The following COQ9 variants were observed in gnomAD, a reference collection of about 807,000 sequenced individuals.
The protein encoded by COQ9 is coenzyme Q9.
In COQ9, 35 loss-of-function variants were observed where a neutral mutation model predicts 42.4. The observed-to-expected ratio is 0.83, with a 90% CI of 0.63 to 1.10. The LOEUF (loss-of-function observed/expected upper bound fraction) is 1.10. Ranked by LOEUF, COQ9 falls within the 50% of genes least tolerant of loss-of-function variation. The pLI, the probability that COQ9 is intolerant of heterozygous loss-of-function variation, is 0.00. For missense variants in COQ9, 406 were observed against 414.6 expected (o/e 0.98, Z 0.18); for synonymous variants, 155 against 155.1 (o/e 1.00, Z 0.00).
intron 3 of COQ9, among the ~76,000 whole-genome samples, chr16:57,455,990 C>A (rs376841094): frequency 6.6e-6 from 1 of 151,912 alleles, no homozygotes; most frequent in East Asian, 1.9e-4. Flanking sequence ...ATTGCTTGAG[C>A]CCAGGAGGTC....
intron 6 of COQ9, 83 bp downstream of exon 6, chr16:57,458,433 A>C (rs761686047): frequency 5.0e-5 from 53 of 1,054,472 alleles, no homozygotes; most frequent in Non-Finnish European, 7.2e-5. Context: ...AATTGCTTTG[A>C]TCATAAGCCC....
At chr16:57,450,862 C>A in intron 1 of COQ9, 178 bp from the exon 2 acceptor site, 1 of 709,044 alleles carries the variant, frequency 1.4e-6, no homozygotes, top group Non-Finnish European at 2.5e-6. Flanking sequence ...CTTTTGCTAC[C>A]ACTTCGTGTC....
At chr16:57,447,914 G>A in intron 1 of COQ9, 1 of 238,856 alleles carries the variant, frequency 4.2e-6, no homozygotes, top group Middle Eastern at 1.3e-3. Flanking sequence ...CCATTGCCAA[G>A]TCCACTGGAA....
At chr16:57,452,346 A>T (rs2030307403) in intron 2 of COQ9, among the ~76,000 whole-genome samples, 2 of 152,246 alleles carry the variant, frequency 1.3e-5, no homozygotes, top group African/African-American at 4.8e-5. Flanking sequence ...TGTTGGCATT[A>T]AAACGTTGAT....
At chr16:57,452,971 G>A (rs1395179712) in intron 3 of COQ9, 35 bp downstream of exon 3, 25 of 1,612,322 alleles carry the variant, frequency 1.6e-5, no homozygotes, top group Non-Finnish European at 2.5e-6. Context: ...ACCTAACCAA[G>A]ATGAGCCAGG....
chr16:57,455,169 T>C (rs2146589632), intron 3 of COQ9, among the ~76,000 whole-genome samples: 2 of 151,730 alleles, frequency 1.3e-5, no homozygotes, highest in East Asian at 3.9e-4. Flanking sequence ...AGTTGCAAGT[T>C]TGCATGTGTG....
intron 4 of COQ9, 55 bp from the exon 5 acceptor site, chr16:57,456,876 C>G (rs2030416131): frequency 6.7e-7 from 1 of 1,484,206 alleles, no homozygotes; most frequent in South Asian, 1.1e-5. Context: ...AACCGTGGAG[C>G]ACTGAGCCCC....
intron 2 of COQ9, 149 bp from the exon 3 acceptor site, chr16:57,452,652 A>C: frequency 9.4e-7 from 1 of 1,062,642 alleles, no homozygotes; most frequent in Non-Finnish European, 1.4e-6. Flanking sequence ...AAAAACAAAA[A>C]ACAAACAAGA....
rs11867042 is a variant in COQ9, at chr16:57,459,385, A to C, written c.712-180A>C. The stretch of plus-strand genomic sequence containing the variant: ...GTTGGGCCCAGGAGCTTGCATTTTT[A>C]ATCAAGTAGGTAATTCTGATGCTCA... On this transcript the variant is annotated intron_variant, in intron 6 of 8. Transcript: ENST00000262507. 0.011 allele frequency among the ~76,000 whole-genome samples: 1,636 copies of C among 152,250 alleles called. 39 individuals carry two copies. The highest frequency in any genetic ancestry group is 0.038 in the African/African-American group (1,560 of 41,524).
intron 3 of COQ9, 45 bp from the exon 4 acceptor site, chr16:57,456,459 T>C (rs780602269): frequency 6.2e-7 from 1 of 1,611,060 alleles, no homozygotes; most frequent in Non-Finnish European, 8.5e-7. Flanking sequence ...AAATGTACCC[T>C]ACACTTGGGC....
chr16:57,460,461 A>G, intron 8 of COQ9, 128 bp from the exon 9 acceptor site: 1 of 936,440 alleles, frequency 1.1e-6, no homozygotes, highest in South Asian at 1.5e-5. Context: ...TCTGGCCAAC[A>G]TAGCAAAACC....
At chr16:57,452,745 T>G in intron 2 of COQ9, 56 bp from the exon 3 acceptor site, 1 of 1,606,920 alleles carries the variant, frequency 6.2e-7, no homozygotes. Flanking sequence ...TTTCTGGTCA[T>G]GCCCATTGTA....
At chr16:57,459,840 C>T in intron 7 of COQ9, 120 bp downstream of exon 7, 1 of 1,246,292 alleles carries the variant, frequency 8.0e-7, no homozygotes, top group Non-Finnish European at 1.2e-6. Context: ...TTCCCAAGGG[C>T]CTGGCTGGTT....
intron 5 of COQ9, 124 bp from the exon 6 acceptor site, chr16:57,458,121 GA>G: frequency 1.4e-6 from 1 of 740,488 alleles, no homozygotes; most frequent in Non-Finnish European, 2.4e-6. Context: ...AGTGGGTGAA[GA>G]TGCTGGTCTC....
intron 5 of COQ9, 128 bp from the exon 6 acceptor site, chr16:57,458,118 G>A: frequency 1.4e-6 from 1 of 731,846 alleles, no homozygotes; most frequent in East Asian, 2.7e-5. Context: ...GCCAGTGGGT[G>A]AAGATGCTGG....
chr16:57,451,162 CAG>C lies in COQ9; in HGVS notation c.197_198del (p.Gln66ArgfsTer6), dbSNP rs1491334480. ...ATTTTCTCAGCAGCATTCTGAGACACAGGGGGCAGAAAAACCTGATCCAGAGT... is the reference window on the plus strand; with the variant it reads ...ATTTTCTCAGCAGCATTCTGAGACACGGGGCAGAAAAACCTGATCCAGAGT... The part of the protein sequence containing the change: ...NSFSQQHSET[Q>X]GAEKPDPESS... On this transcript the variant is annotated frameshift_variant, in exon 2 of 9. Coordinates refer to ENST00000262507, the MANE Select transcript of COQ9 (RefSeq NM_020312.4). LOFTEE classifies it high-confidence loss of function. The C allele has an allele frequency of 8.7e-6, 14 of 1,614,096 alleles. No individual in the cohort carries two copies. Among genetic ancestry groups the C allele is most frequent in the African/African-American group, 5.3e-5 (4 of 74,928 alleles).
At chr16:57,452,780 G>T (rs771394722) in intron 2 of COQ9, 21 bp from the exon 3 acceptor site, 1 of 1,612,698 alleles carries the variant, frequency 6.2e-7, no homozygotes, top group Non-Finnish European at 8.5e-7. Context: ...AAGTATGCTG[G>T]GCTGTGTCCT....
At position 57,457,384 on chromosome 16, in the gene COQ9, A is replaced by G. The variant is rs1188823678; in HGVS notation, c.606+369A>G. The G allele has an allele frequency of 1.1e-5, 4 of 353,834 alleles. No individual in the cohort carries two copies. The East Asian group carries it at 2.8e-4, about 25-fold the overall frequency. 21.9% of individuals were successfully genotyped at this position (353,834 alleles called of 1,614,324 possible). A position where few individuals can be genotyped will look rare whatever the true frequency, so the allele number is the denominator to read the frequency against. On this transcript the variant is annotated intron_variant, in intron 5 of 8. Transcript: ENST00000262507. The stretch of plus-strand genomic sequence containing the variant: ...TTCACTTGAATAACAGCCCTGTGGC[A>G]TTTTAGATCTCGAGCACTGGGATTT...
intron 3 of COQ9, among the ~76,000 whole-genome samples, chr16:57,455,265 G>A (rs565157041): frequency 2.0e-5 from 3 of 151,956 alleles, no homozygotes; most frequent in East Asian, 3.9e-4. Context: ...TCCTTGTTGA[G>A]TATGAGGAGT....
Sources: gnomAD v4.1 joint callset for allele counts (sites outside exome capture counted in the v4.1 genomes callset) on GRCh38, gnomAD v4.1.1 for gene constraint, MANE v1.5 for transcripts, NCBI Gene and HGNC (gene_info 2026-07-23, HGNC 2026-07-21) for gene names.